The following TRHDE variants were observed in gnomAD, a reference collection of about 807,000 sequenced individuals.
The protein encoded by TRHDE is thyrotropin releasing hormone degrading enzyme, also known as thyrotropin-releasing hormone-degrading ectoenzyme.
TRHDE carries 72 observed loss-of-function variants against 125.7 expected under a neutral mutation model. That is an observed-to-expected ratio of 0.57 (90% CI 0.47 to 0.70). The LOEUF is 0.70. Ranked by LOEUF, TRHDE falls within the 30% of genes least tolerant of loss-of-function variation. TRHDE has a pLI of 0.00. For synonymous variants in TRHDE, 509 were observed against 509.1 expected, an observed-to-expected ratio of 1.00 and a Z score of 0.00; for missense variants, 1,110 against 1,327.1, an observed-to-expected ratio of 0.84 and a Z score of 2.54.
intron 6 of TRHDE, 24 bp downstream of exon 6, chr12:72,499,659 A>G (rs1299368219): frequency 6.2e-7 from 1 of 1,609,304 alleles, no homozygotes; most frequent in East Asian, 2.2e-5. Flanking sequence ...ACAAAGTGCC[A>G]ATTAGATATT....
chr12:72,479,241 T>A (rs2135910484), intron 5 of TRHDE, among the ~76,000 whole-genome samples: 1 of 152,300 alleles, frequency 6.6e-6, no homozygotes, highest in African/African-American at 2.4e-5. Flanking sequence ...AACTGAAGAA[T>A]ATATAATATA....
intron 2 of TRHDE, among the ~76,000 whole-genome samples, chr12:72,227,533 G>C (rs570807880): frequency 1.7e-4 from 26 of 152,242 alleles, no homozygotes; most frequent in African/African-American, 6.3e-4. Context: ...GATATGGGGG[G>C]ACACAGCCAA....
intron 2 of TRHDE, among the ~76,000 whole-genome samples, chr12:72,340,319 G>A (rs771521145): frequency 3.3e-5 from 5 of 152,150 alleles, no homozygotes; most frequent in Non-Finnish European, 7.4e-5. Flanking sequence ...ACCCTAAGTA[G>A]CAATGAACTC....
chr12:72,511,903 T>C (rs191566066), intron 6 of TRHDE, among the ~76,000 whole-genome samples: 1 of 152,196 alleles, frequency 6.6e-6, no homozygotes, highest in African/African-American at 2.4e-5. Context: ...GGTTATTGAA[T>C]AGAGTAAGGA....
chr12:72,293,790 T>G (rs1022181630), intron 2 of TRHDE, among the ~76,000 whole-genome samples: 1 of 152,202 alleles, frequency 6.6e-6, no homozygotes, highest in African/African-American at 2.4e-5. Flanking sequence ...GTTTTGCTTG[T>G]GCCAGCTGGG....
chr12:72,607,393 C>T (rs1440545571), intron 12 of TRHDE, among the ~76,000 whole-genome samples: 1 of 152,112 alleles, frequency 6.6e-6, no homozygotes, highest in African/African-American at 2.4e-5. Flanking sequence ...ATGTCTGAAT[C>T]TTTAATTCAC....
intron 7 of TRHDE, among the ~76,000 whole-genome samples, chr12:72,560,134 A>T (rs12228978): frequency 1.4e-4 from 20 of 144,078 alleles, no homozygotes; most frequent in Admixed American, 8.2e-4. Flanking sequence ...GGGAAACTTT[A>T]AAAAAAGTTG....
intron 2 of TRHDE, among the ~76,000 whole-genome samples, chr12:72,238,330 ATATACACAT>A (rs1213374573): frequency 0.024 from 882 of 36,644 alleles, 125 homozygotes; most frequent in Middle Eastern, 0.057. Context: ...ATACATATAT[ATATACACAT>A]TATATATATA....
intron 15 of TRHDE, among the ~76,000 whole-genome samples, chr12:72,622,678 G>T (rs1873101733): frequency 6.6e-6 from 1 of 152,050 alleles, no homozygotes; most frequent in Non-Finnish European, 1.5e-5. Context: ...GAGAACCGCA[G>T]TCAGTATAAC....
At position 72,177,649 on chromosome 12, in the gene TRHDE, G is replaced by T. The variant is rs950735810; in HGVS notation, n.279+71897G>T. On this transcript the variant is annotated intron_variant and non_coding_transcript_variant, in intron 2 of 4. Transcript: ENST00000548156. ...TAGGTTTATAGAATGTTGCAGTAAGGTGTGGGCTTAGACAATAAAACTATT... is the reference window on the plus strand; with the variant it reads ...TAGGTTTATAGAATGTTGCAGTAAGTTGTGGGCTTAGACAATAAAACTATT... Among the ~76,000 whole-genome samples, 6 of 152,026 alleles carry T rather than the reference G, an allele frequency of 3.9e-5. No homozygotes were observed. The East Asian group carries it at 1.2e-3, about 29-fold the overall frequency.
At chr12:72,184,937 G>A (rs1877170833) in intron 2 of TRHDE, among the ~76,000 whole-genome samples, 2 of 152,290 alleles carry the variant, frequency 1.3e-5, no homozygotes, top group South Asian at 4.1e-4. Context: ...CCACTTTGGC[G>A]GCATCTGAAG....
chr12:72,338,476 G>A (rs1334737989), intron 2 of TRHDE, among the ~76,000 whole-genome samples: 2 of 152,200 alleles, frequency 1.3e-5, no homozygotes, highest in Admixed American at 6.5e-5. Context: ...GAGAATCAGT[G>A]TGTGGTATAC....
chr12:72,156,096 G>A (rs1383322652), intron 2 of TRHDE, among the ~76,000 whole-genome samples: 5 of 152,126 alleles, frequency 3.3e-5, no homozygotes, highest in Non-Finnish European at 5.9e-5. Context: ...CGGCAGTGGC[G>A]GGCGCCCCTC....
intron 3 of TRHDE, among the ~76,000 whole-genome samples, chr12:72,452,132 G>A (rs573608303): frequency 2.6e-5 from 4 of 151,882 alleles, no homozygotes; most frequent in Admixed American, 6.6e-5. Flanking sequence ...CTTTTGTCAG[G>A]GTTTTATAGT....
intron 1 of TRHDE, among the ~76,000 whole-genome samples, chr12:72,102,344 C>T (rs867791645): frequency 2.0e-5 from 3 of 152,222 alleles, no homozygotes; most frequent in Middle Eastern, 6.8e-3. Context: ...TTCAGTCATA[C>T]AAAGACTCTC....
chr12:72,409,510 A>G (rs1196050044), intron 3 of TRHDE, among the ~76,000 whole-genome samples: 1 of 152,188 alleles, frequency 6.6e-6, no homozygotes, highest in Non-Finnish European at 1.5e-5. Flanking sequence ...GGAAGTGACA[A>G]GCAACACTCC....
chr12:72,129,704 T>A (rs1290198815), intron 2 of TRHDE, among the ~76,000 whole-genome samples: 2 of 152,158 alleles, frequency 1.3e-5, no homozygotes, highest in South Asian at 4.1e-4. Context: ...GTTAAAAAAA[T>A]ATATACACAA....
At chr12:72,495,143 T>C (rs569599261) in intron 5 of TRHDE, among the ~76,000 whole-genome samples, 1 of 141,688 alleles carries the variant, frequency 7.1e-6, no homozygotes, top group Non-Finnish European at 1.5e-5. Context: ...CTCTCTTTCA[T>C]CGACTAAGGG....
intron 8 of TRHDE, 110 bp from the exon 9 acceptor site, chr12:72,562,743 A>G: frequency 1.4e-6 from 1 of 691,178 alleles, no homozygotes; most frequent in Non-Finnish European, 2.3e-6. Context: ...ATGACTTTAA[A>G]TGTTTTCATA....
Sources: allele counts gnomAD v4.1 joint callset (sites outside exome capture counted in the v4.1 genomes callset), GRCh38; gene constraint gnomAD v4.1.1; transcripts MANE v1.5; gene names NCBI Gene and HGNC (gene_info 2026-07-23, HGNC 2026-07-21).